The following SPOP variants were observed in gnomAD, a reference collection of about 807,000 sequenced individuals.
SPOP encodes speckle type BTB/POZ protein.
SPOP carries 11 observed loss-of-function variants against 45.6 expected under a neutral mutation model. The ratio of observed to expected loss-of-function variants is 0.24; its 90% CI spans 0.15 to 0.40. The LOEUF (loss-of-function observed/expected upper bound fraction) is 0.40. SPOP is among the 10% of genes least tolerant of loss of function. The probability of loss-of-function intolerance (pLI) is 1.00; values close to 1 mark genes in which losing one functional copy is unlikely to be tolerated. For missense variants in SPOP, 152 were observed against 465.6 expected (o/e 0.33, Z 6.20); for synonymous variants, 166 against 166.3 (o/e 1.00, Z 0.01).
intron 1 of SPOP, among the ~76,000 whole-genome samples, chr17:49,653,842 A>G (rs1339088737): frequency 6.7e-6 from 1 of 150,176 alleles, no homozygotes; most frequent in Admixed American, 6.7e-5. Flanking sequence ...TACACAATAT[A>G]TAAGTATATA....
intron 8 of SPOP, 39 bp downstream of exon 8, chr17:49,607,211 T>C: frequency 6.2e-6 from 10 of 1,612,038 alleles, no homozygotes; most frequent in Non-Finnish European, 8.5e-6. Context: ...GAAGTCACAA[T>C]AACTCCTAGT....
At chr17:49,668,694 CTAT>C (rs2073094268) in intron 1 of SPOP, among the ~76,000 whole-genome samples, 1 of 151,132 alleles carries the variant, frequency 6.6e-6, no homozygotes, top group Non-Finnish European at 1.5e-5. Context: ...TTATATTTTT[CTAT>C]ATGTTTAAGA....
chr17:49,636,122 T>G (rs2072538717), intron 1 of SPOP: 1 of 152,182 alleles, frequency 6.6e-6, no homozygotes, highest in Non-Finnish European at 1.5e-5. Flanking sequence ...CTCAGTCTCT[T>G]GAGTAGTTGG....
chr17:49,606,366 G>T (rs2071845322), intron 8 of SPOP, among the ~76,000 whole-genome samples: 1 of 151,924 alleles, frequency 6.6e-6, no homozygotes, highest in African/African-American at 2.4e-5. Flanking sequence ...ATGTTGCCCA[G>T]GCTGGCCTTG....
chr17:49,632,587 G>C (rs1355902505), intron 1 of SPOP, among the ~76,000 whole-genome samples: 2 of 151,904 alleles, frequency 1.3e-5, no homozygotes, highest in Non-Finnish European at 2.9e-5. Context: ...CCACCTCCCG[G>C]GTTCAAGCAA....
intron 8 of SPOP, chr17:49,606,954 T>C: frequency 3.2e-6 from 1 of 309,984 alleles, no homozygotes; most frequent in East Asian, 6.0e-5. Context: ...ATTTGAATCT[T>C]TACTATCACT....
chr17:49,634,693 T>C (rs2072512401), intron 1 of SPOP, among the ~76,000 whole-genome samples: 2 of 152,242 alleles, frequency 1.3e-5, no homozygotes, highest in African/African-American at 4.8e-5. Context: ...CTGGCTTTTA[T>C]AGAAGCCAAA....
chr17:49,670,108 C>G (rs2073118629), intron 1 of SPOP, among the ~76,000 whole-genome samples: 1 of 152,226 alleles, frequency 6.6e-6, no homozygotes, highest in South Asian at 2.1e-4. Context: ...ATATCCAGCT[C>G]TCCCAAAGCT....
intron 1 of SPOP, among the ~76,000 whole-genome samples, chr17:49,654,306 T>C (rs937561843): frequency 6.6e-6 from 1 of 152,222 alleles, no homozygotes; most frequent in African/African-American, 2.4e-5. Flanking sequence ...TTGCCCAGGC[T>C]GTTCTCAAAC....
Position 49,611,155 on chromosome 17 carries a change from A to G in SPOP, c.658+125T>C, listed in dbSNP as rs2071965015. On this transcript the variant is annotated intron_variant, in intron 6 of 9. Transcript: ENST00000504102. ...CATTGTTACCGGAATACAAAGATAT[A>G]TTTAGCTGCAGTTTGTTTTGTAGTT... 5.9e-6 allele frequency: 6 copies of G among 1,022,836 alleles called. No individual in the cohort carries two copies. In the South Asian group the frequency reaches 9.6e-5, roughly 16 times the overall value. 63.4% of individuals were successfully genotyped at this position (1,022,836 alleles called of 1,614,324 possible).
intron 1 of SPOP, among the ~76,000 whole-genome samples, chr17:49,641,384 A>G (rs1367234538): frequency 1.3e-5 from 2 of 149,332 alleles, no homozygotes; most frequent in Admixed American, 6.8e-5. Context: ...GTATCTTTTT[A>G]CAATCTGTCT....
intron 1 of SPOP, among the ~76,000 whole-genome samples, chr17:49,635,468 G>A (rs1253806960): frequency 2.0e-5 from 3 of 151,994 alleles, no homozygotes; most frequent in Admixed American, 2.0e-4. Flanking sequence ...ATACTACAAA[G>A]TAACAAGTTT....
intron 1 of SPOP, among the ~76,000 whole-genome samples, chr17:49,627,903 A>C (rs16948298): frequency 0.1 from 15,886 of 152,078 alleles, 1,065 homozygotes; most frequent in East Asian, 0.26. Context: ...TAACCAAACA[A>C]CCTGCTGGAA....
intron 1 of SPOP, among the ~76,000 whole-genome samples, chr17:49,675,714 A>G (rs2073190267): frequency 6.6e-6 from 1 of 152,204 alleles, no homozygotes; most frequent in South Asian, 2.1e-4. Flanking sequence ...ATTCAACTAG[A>G]CAAAATGTTT....
chr17:49,648,543 T>C (rs2072793543), intron 1 of SPOP, among the ~76,000 whole-genome samples: 1 of 152,102 alleles, frequency 6.6e-6, no homozygotes, highest in Non-Finnish European at 1.5e-5. Context: ...GTAGCTCTAC[T>C]CCTACACCTG....
intron 1 of SPOP, among the ~76,000 whole-genome samples, chr17:49,629,832 CATG>C (rs2072415825): frequency 1.3e-5 from 2 of 152,164 alleles, no homozygotes; most frequent in Admixed American, 6.5e-5. Context: ...GAATCTCATA[CATG>C]ATATCTATGA....
At position 49,677,923 on chromosome 17, in the gene SPOP, C is replaced by A; in HGVS notation, c.-67+10G>T. 1 of 383,138 alleles carries A rather than the reference C, an allele frequency of 2.6e-6. No individual in the cohort carries two copies. The highest frequency in any genetic ancestry group is 1.3e-4 in the South Asian group (1 of 7,682). 23.7% of individuals were successfully genotyped at this position (383,138 alleles called of 1,614,324 possible). ...CAACCCCCTCCCTCGACTCTCCTCCCCCCACTCACCTGAGAGCGGCGGCGA... is the reference window on the plus strand; with the variant it reads ...CAACCCCCTCCCTCGACTCTCCTCCACCCACTCACCTGAGAGCGGCGGCGA... On this transcript the variant is annotated intron_variant, in intron 1 of 9. Coordinates refer to ENST00000504102, the MANE Select transcript of SPOP (RefSeq NM_001007228.2).
intron 1 of SPOP, among the ~76,000 whole-genome samples, chr17:49,628,530 C>CAA (rs201088065): frequency 2.4e-4 from 32 of 133,476 alleles, no homozygotes; most frequent in East Asian, 8.7e-4. Context: ...GACAGAAGGA[C>CAA]AAAAAAAAAA....
At chr17:49,608,078 C>T in intron 6 of SPOP, 149 bp from the exon 7 acceptor site, 1 of 520,124 alleles carries the variant, frequency 1.9e-6, no homozygotes, top group Admixed American at 3.5e-5. Flanking sequence ...TACAAAATTC[C>T]TTTCTTCATA....
Sources: allele counts gnomAD v4.1 joint callset (sites outside exome capture counted in the v4.1 genomes callset), GRCh38; gene constraint gnomAD v4.1.1; transcripts MANE v1.5; gene names NCBI Gene and HGNC (gene_info 2026-07-23, HGNC 2026-07-21).